The following SLC11A2 variants were observed in gnomAD, a reference collection of about 807,000 sequenced individuals.
SLC11A2 encodes the protein solute carrier family 11 member 2.
SLC11A2 carries 38 observed loss-of-function variants against 68.0 expected under a neutral mutation model. That is an observed-to-expected ratio of 0.56 (90% CI 0.43 to 0.73). The LOEUF (loss-of-function observed/expected upper bound fraction) is 0.73, where lower values mean the gene tolerates loss of function less well. SLC11A2 is among the 30% of genes least tolerant of loss of function. The pLI is 0.00. For synonymous variants in SLC11A2, 242 were observed against 250.6 expected (o/e 0.97, Z 0.32); for missense variants, 517 against 690.5 (o/e 0.75, Z 2.82).
the SLC11A2 span, among the ~76,000 whole-genome samples, chr12:50,970,008 C>T: frequency 6.6e-6 from 1 of 152,136 alleles, no homozygotes; most frequent in Non-Finnish European, 1.5e-5. Flanking sequence ...TATCATCCGC[C>T]TAAACTCACA....
chr12:50,960,997 T>C, the SLC11A2 span: 14 of 1,604,234 alleles, frequency 8.7e-6, no homozygotes, highest in East Asian at 4.5e-5. Flanking sequence ...TGTGGTGTCC[T>C]GTGGTCTTTA....
Position 50,996,807 on chromosome 12 carries a change from C to T in SLC11A2, c.831+10G>A, listed in dbSNP as rs780729936. ...GTCTAGGAGGTGAAGGAGATAAGGGCCTTGCTCACCTTGACTAAGGCAGAA... is the reference window on the plus strand; with the variant it reads ...GTCTAGGAGGTGAAGGAGATAAGGGTCTTGCTCACCTTGACTAAGGCAGAA... On this transcript the variant is annotated intron_variant, in intron 9 of 15. Transcript: ENST00000262052. 16 of 1,613,722 alleles carry T rather than the reference C, an allele frequency of 9.9e-6. No homozygotes were observed. In the South Asian group the frequency reaches 1.6e-4, roughly 17 times the overall value.
At chr12:50,984,788 A>G (rs1444272665), downstream of SLC11A2, among the ~76,000 whole-genome samples, 1 of 152,208 alleles carries the variant, frequency 6.6e-6, no homozygotes, top group Non-Finnish European at 1.5e-5. Flanking sequence ...CCAGTTGGCA[A>G]CTTCTGCCTA....
At chr12:50,957,194 T>A in the SLC11A2 span, among the ~76,000 whole-genome samples, 2 of 151,658 alleles carry the variant, frequency 1.3e-5, no homozygotes, top group Non-Finnish European at 2.9e-5. Context: ...GCTATCCACA[T>A]AAAAATTACT....
intron 3 of SLC11A2, 63 bp downstream of exon 3, chr12:51,008,413 A>C: frequency 1.4e-6 from 2 of 1,422,468 alleles, no homozygotes; most frequent in Non-Finnish European, 2.0e-6. Context: ...GCCATCCAGC[A>C]GATCTTTCAC....
rs973895202 is a variant in SLC11A2 at position 50,987,119 on chromosome 12, G to A, written c.*1206C>T. 13 of 1,284,534 alleles carry A rather than the reference G, an allele frequency of 1.0e-5. No homozygotes were observed. The East Asian group carries it at 2.2e-4, about 22-fold the overall frequency. 79.6% of individuals were successfully genotyped at this position (1,284,534 alleles called of 1,614,324 possible). On this transcript the variant is annotated 3_prime_UTR_variant, in exon 16 of 16. Transcript: ENST00000262052. ...GTAAAAGCAGCAGCTTTGTGCTGAA[G>A]ACACCCATTTCCTCTGACTCCAGAG... is the stretch of plus-strand genomic sequence containing the variant.
the SLC11A2 span, among the ~76,000 whole-genome samples, chr12:50,964,144 T>C: frequency 2.1e-5 from 3 of 145,528 alleles, no homozygotes; most frequent in South Asian, 4.6e-4. Flanking sequence ...ACGTGGGGAA[T>C]AGAAAAAAAT....
Position 51,008,533 on chromosome 12 carries a change from GT to G in SLC11A2, c.125del (p.Asp42AlafsTer39). 6.2e-7 allele frequency: 1 copy of G among 1,612,778 alleles called. No homozygotes were observed. Among genetic ancestry groups the G allele is most frequent in the Non-Finnish European group, 8.5e-7 (1 of 1,178,850 alleles). On this transcript the variant is annotated frameshift_variant, in exon 3 of 16. Coordinates refer to ENST00000262052, the MANE Select transcript of SLC11A2 (RefSeq NM_000617.3). LOFTEE classifies it high-confidence loss of function. ...SNPSLSQSPGDSEEYFATYFN... is the reference protein window; with the variant it reads ...SNPSLSQSPGXSEEYFATYFN... ...AGTAAGTGGCGAAGTACTCCTCTGA[GT>G]CCCCAGGGGACTGTGAAAGAGAGGG... is the stretch of plus-strand genomic sequence containing the variant.
intron 1 of SLC11A2, chr12:51,025,544 C>T (rs1944324426): frequency 6.2e-6 from 1 of 160,772 alleles, no homozygotes; most frequent in Admixed American, 6.5e-5. Flanking sequence ...TTTTTAGAAG[C>T]CTATCTCCCC....
intron 5 of SLC11A2, among the ~76,000 whole-genome samples, chr12:51,002,608 G>A (rs1244973013): frequency 2.6e-5 from 3 of 114,102 alleles, no homozygotes; most frequent in Non-Finnish European, 5.0e-5. Flanking sequence ...CACTGTACCC[G>A]AGCCTGGGTG....
the SLC11A2 span, among the ~76,000 whole-genome samples, chr12:50,957,937 GGTGTGTGTGTGTGTGTGTGTGT>G: frequency 0.1 from 13,658 of 132,492 alleles, 981 homozygotes; most frequent in African/African-American, 0.21. Flanking sequence ...ATGAATTGGA[GGTGTGTGTGTGTGTGTGTGTGT>G]GTGTGTGTGT....
chr12:50,985,519 T>C (rs892777630), downstream of SLC11A2, among the ~76,000 whole-genome samples: 40 of 152,228 alleles, frequency 2.6e-4, no homozygotes, highest in African/African-American at 7.2e-4. Context: ...TTGTTTTTAA[T>C]AAATGGTGTC....
the SLC11A2 span, among the ~76,000 whole-genome samples, chr12:50,970,087 C>T: frequency 3.3e-5 from 5 of 152,194 alleles, no homozygotes; most frequent in South Asian, 8.3e-4. Context: ...TTGTTTTCCT[C>T]GGGATACTGA....
At chr12:50,976,887 C>T (rs1370664184), downstream of SLC11A2, among the ~76,000 whole-genome samples, 2 of 152,118 alleles carry the variant, frequency 1.3e-5, no homozygotes, top group Non-Finnish European at 2.9e-5. Context: ...AGTGAAATCC[C>T]ATTCACAATT....
At chr12:50,991,376 C>T in intron 14 of SLC11A2, 1 of 585,686 alleles carries the variant, frequency 1.7e-6, no homozygotes, top group Non-Finnish European at 3.0e-6. Context: ...AAGAGTTATG[C>T]TGTAAAAGCT....
chr12:50,994,466 T>G (rs1941509307), intron 11 of SLC11A2, 78 bp downstream of exon 11: 6 of 886,748 alleles, frequency 6.8e-6, no homozygotes, highest in Non-Finnish European at 9.7e-6. Context: ...ATATCTGAAG[T>G]GAAGTCACAA....
In SLC11A2 at chr12:51,002,960, A is replaced by G. The variant is rs1320323657; in HGVS notation, c.429+1828T>C. On this transcript the variant is annotated intron_variant, in intron 5 of 15. Coordinates refer to ENST00000262052, the MANE Select transcript of SLC11A2 (RefSeq NM_000617.3). Reference sequence around the variant, plus strand: ...ATCTCAAAAATACCAAAACAAGGCCAGGCGCAGTGGCTCACGTCTGTAATC... The same window carrying G: ...ATCTCAAAAATACCAAAACAAGGCCGGGCGCAGTGGCTCACGTCTGTAATC... Among the ~76,000 whole-genome samples the G allele has an allele frequency of 1.1e-4, 17 of 151,278 alleles. No individual in the cohort carries two copies. The Admixed American group carries it at 1.1e-3, about 10-fold the overall frequency.
chr12:50,981,767 G>A (rs1592284730), downstream of SLC11A2: 2 of 1,536,096 alleles, frequency 1.3e-6, no homozygotes, highest in East Asian at 4.9e-5. Flanking sequence ...GTGTTCAGAA[G>A]ATAGAGTTCA....
the SLC11A2 span, among the ~76,000 whole-genome samples, chr12:50,969,699 T>C: frequency 1.4e-5 from 2 of 141,836 alleles, no homozygotes; most frequent in African/African-American, 2.6e-5. Flanking sequence ...CAAGACTCCA[T>C]CTCAAAAAAA....
Sources: gnomAD v4.1 joint callset for allele counts (sites outside exome capture counted in the v4.1 genomes callset) on GRCh38, gnomAD v4.1.1 for gene constraint, MANE v1.5 for transcripts, NCBI Gene and HGNC (gene_info 2026-07-23, HGNC 2026-07-21) for gene names.